The following EHBP1 variants were observed in gnomAD, a reference collection of about 807,000 sequenced individuals.
The protein encoded by EHBP1 is EH domain binding protein 1, also known as EH domain-binding protein 1.
Under a neutral mutation model 144.0 loss-of-function variants are expected in EHBP1, and 55 were observed. The observed-to-expected ratio is 0.38, with a 90% CI of 0.31 to 0.48. The LOEUF (loss-of-function observed/expected upper bound fraction) is 0.48, where lower values mean the gene tolerates loss of function less well. Among genes scored for constraint, EHBP1 ranks in the 20% least tolerant of loss-of-function variants. EHBP1 has a pLI of 0.98. For synonymous variants in EHBP1, 469 were observed against 472.7 expected, an observed-to-expected ratio of 0.99 and a Z score of 0.10; for missense variants, 1,200 against 1,364.2, an observed-to-expected ratio of 0.88 and a Z score of 1.90.
At chr2:62,679,713 C>A (rs1283965672) in intron 1 of EHBP1, among the ~76,000 whole-genome samples, 3 of 152,134 alleles carry the variant, frequency 2.0e-5, no homozygotes, top group African/African-American at 7.2e-5. Flanking sequence ...TGGCAAAAAA[C>A]ATTTTTAAAA....
intron 14 of EHBP1, among the ~76,000 whole-genome samples, chr2:62,957,790 C>CG (rs2057786371): frequency 6.6e-6 from 1 of 151,666 alleles, no homozygotes. Flanking sequence ...GGATTACAGG[C>CG]GCCCACCACC....
At chr2:62,823,337 A>T (rs1310411815) in intron 5 of EHBP1, among the ~76,000 whole-genome samples, 1 of 152,098 alleles carries the variant, frequency 6.6e-6, no homozygotes, top group African/African-American at 2.4e-5. Context: ...ATTGACTCTT[A>T]TCTCCAAACT....
At chr2:62,967,910 G>A (rs1192923259) in intron 14 of EHBP1, among the ~76,000 whole-genome samples, 5 of 151,914 alleles carry the variant, frequency 3.3e-5, no homozygotes, top group Middle Eastern at 6.8e-3. Context: ...AGTTTACGCA[G>A]GAGAAAAGCC....
chr2:62,760,324 A>G (rs977873096), intron 3 of EHBP1, among the ~76,000 whole-genome samples: 3 of 152,196 alleles, frequency 2.0e-5, no homozygotes, highest in Non-Finnish European at 2.9e-5. Flanking sequence ...CAGGTTGTAC[A>G]GCCCCAGAAG....
chr2:62,998,778 A>G (rs754462585), intron 19 of EHBP1, among the ~76,000 whole-genome samples: 1 of 152,190 alleles, frequency 6.6e-6, no homozygotes, highest in Non-Finnish European at 1.5e-5. Flanking sequence ...TTCACAGGAC[A>G]GAATCTGATC....
intron 2 of EHBP1, among the ~76,000 whole-genome samples, chr2:62,744,660 A>G (rs2038991968): frequency 6.6e-6 from 1 of 152,250 alleles, no homozygotes; most frequent in Non-Finnish European, 1.5e-5. Context: ...ATCTATTTAC[A>G]TTCTTGGAAC....
At chr2:62,756,275 T>G (rs1238754782) in intron 3 of EHBP1, among the ~76,000 whole-genome samples, 1 of 152,192 alleles carries the variant, frequency 6.6e-6, no homozygotes, top group Non-Finnish European at 1.5e-5. Flanking sequence ...TGCAAACATA[T>G]GAGGCTACAG....
intron 1 of EHBP1, among the ~76,000 whole-genome samples, chr2:62,678,963 T>G (rs1367719383): frequency 6.6e-6 from 1 of 152,194 alleles, no homozygotes; most frequent in East Asian, 1.9e-4. Context: ...TAACTACTCT[T>G]ACTATCATTC....
chr2:62,861,100 TC>T (rs1396315510), intron 8 of EHBP1, among the ~76,000 whole-genome samples: 1 of 149,872 alleles, frequency 6.7e-6, no homozygotes, highest in Non-Finnish European at 1.5e-5. Flanking sequence ...TCAGTTCTCC[TC>T]TTATATTTAT....
chr2:63,011,507 A>G (rs2153233968), intron 19 of EHBP1, among the ~76,000 whole-genome samples: 1 of 152,092 alleles, frequency 6.6e-6, no homozygotes, highest in East Asian at 1.9e-4. Flanking sequence ...AAAGATTAGA[A>G]AATTGTTAAT....
intron 14 of EHBP1, among the ~76,000 whole-genome samples, chr2:62,976,339 G>A (rs1339095051): frequency 2.0e-5 from 3 of 152,034 alleles, no homozygotes; most frequent in Non-Finnish European, 4.4e-5. Context: ...AAAAAAAATT[G>A]CCTGGGCTTG....
intron 1 of EHBP1, among the ~76,000 whole-genome samples, chr2:62,686,464 T>C (rs1238162431): frequency 6.6e-6 from 1 of 152,206 alleles, no homozygotes; most frequent in Non-Finnish European, 1.5e-5. Flanking sequence ...TCTATCCTGA[T>C]CGCTGAAGCT....
chr2:62,735,196 C>G (rs2038005256), intron 2 of EHBP1, among the ~76,000 whole-genome samples: 1 of 152,082 alleles, frequency 6.6e-6, no homozygotes, highest in Admixed American at 6.5e-5. Flanking sequence ...TTCCTGGCCC[C>G]TTTTGTGGTT....
chr2:62,805,424 T>TG (rs2044363246), intron 5 of EHBP1, among the ~76,000 whole-genome samples: 7 of 151,718 alleles, frequency 4.6e-5, no homozygotes, highest in Admixed American at 4.6e-4. Flanking sequence ...TACATATCTT[T>TG]GGTGGACTTA....
chr2:62,747,437 A>G lies in EHBP1; in HGVS notation c.147A>G (p.Arg49=), dbSNP rs370536624. The stretch of plus-strand genomic sequence containing the variant: ...TGGTAGTTTGGACCAGAAGAAGCCG[A>G]AGGAAGTCTTCTAAGGTTAGTGTAT... ...KLVVVWTRRS[R]RKSSKAHSWQ... The change falls in exon 3 of 23, where the codon CGA becomes CGG. Residue 49 remains arginine, a synonymous_variant. Transcript: ENST00000431489. The G allele has an allele frequency of 1.2e-6, 2 of 1,609,624 alleles. No individual in the cohort carries two copies. Among genetic ancestry groups the G allele is most frequent in the African/African-American group, 1.3e-5 (1 of 74,734 alleles).
intron 10 of EHBP1, among the ~76,000 whole-genome samples, chr2:62,922,917 A>G (rs1449826552): frequency 2.6e-5 from 4 of 152,224 alleles, no homozygotes; most frequent in Non-Finnish European, 4.4e-5. Flanking sequence ...TTACAACAGT[A>G]TAGTTGTTAC....
At chr2:62,826,960 G>A (rs111914795) in intron 6 of EHBP1, among the ~76,000 whole-genome samples, 3,228 of 152,266 alleles carry the variant, frequency 0.021, 85 homozygotes, top group African/African-American at 0.065. Flanking sequence ...TTGTGAAAGG[G>A]TTCGTACCTA....
chr2:62,841,714 A>G (rs1409866650), intron 7 of EHBP1, among the ~76,000 whole-genome samples: 4 of 151,902 alleles, frequency 2.6e-5, no homozygotes, highest in African/African-American at 7.3e-5. Flanking sequence ...TATCTTTCCC[A>G]TCTTTGAGTT....
intron 7 of EHBP1, among the ~76,000 whole-genome samples, chr2:62,841,006 C>T (rs1349251619): frequency 2.0e-5 from 3 of 152,048 alleles, no homozygotes; most frequent in Non-Finnish European, 4.4e-5. Flanking sequence ...ACCCAAAGGA[C>T]TATAAATCAT....
Sources: allele counts gnomAD v4.1 joint callset (sites outside exome capture counted in the v4.1 genomes callset), GRCh38; gene constraint gnomAD v4.1.1; transcripts MANE v1.5; gene names NCBI Gene and HGNC (gene_info 2026-07-23, HGNC 2026-07-21).